Variants in SYN3 observed in about 807,000 individuals in gnomAD.
The protein encoded by SYN3 is synapsin-3.
Under a neutral mutation model 65.8 loss-of-function variants are expected in SYN3, and 35 were observed. The ratio of observed to expected loss-of-function variants is 0.53; its 90% CI spans 0.41 to 0.70. The LOEUF (loss-of-function observed/expected upper bound fraction) is 0.70, where lower values mean the gene tolerates loss of function less well. SYN3 is among the 30% of genes least tolerant of loss of function. SYN3 has a pLI of 0.00. For synonymous variants in SYN3, 270 were observed against 292.9 expected (o/e 0.92, Z 0.80); for missense variants, 680 against 749.0 (o/e 0.91, Z 1.08).
rs2057680905 is a variant in SYN3, at chr22:32,510,687, C to G, written c.*3005G>C. Among the ~76,000 whole-genome samples the G allele has an allele frequency of 6.6e-6, 1 of 152,158 alleles. No individual in the cohort carries two copies. The highest frequency in any genetic ancestry group is 6.5e-5 in the Admixed American group (1 of 15,280). On this transcript the variant is annotated 3_prime_UTR_variant, in exon 14 of 14. Transcript: ENST00000358763. ...ACCAAACTTCAACTCCTATAGCTCT[C>G]TGTGCTTGAATCTTGTAACAGGCTG... is the stretch of plus-strand genomic sequence containing the variant.
At chr22:32,914,469 G>A (rs374033495) in intron 4 of SYN3, among the ~76,000 whole-genome samples, 2 of 144,428 alleles carry the variant, frequency 1.4e-5, no homozygotes, top group East Asian at 2.1e-4. Context: ...ACGGAGTCTC[G>A]CTCTGTTGCC....
intron 1 of SYN3, among the ~76,000 whole-genome samples, chr22:33,030,190 C>T (rs2053724029): frequency 6.6e-6 from 1 of 152,198 alleles, no homozygotes; most frequent in African/African-American, 2.4e-5. Flanking sequence ...ATGAGAGATG[C>T]CTGCGCTGCC....
intron 6 of SYN3, among the ~76,000 whole-genome samples, chr22:32,648,018 C>T (rs1278352835): frequency 1.3e-5 from 2 of 152,148 alleles, no homozygotes; most frequent in Non-Finnish European, 2.9e-5. Flanking sequence ...AGACTACAGA[C>T]ACACTTTTAG....
chr22:32,926,896 C>A (rs1368623359), intron 4 of SYN3, among the ~76,000 whole-genome samples: 1 of 152,110 alleles, frequency 6.6e-6, no homozygotes, highest in Non-Finnish European at 1.5e-5. Context: ...CAGGAGAAAC[C>A]AAGCATTCAC....
At chr22:32,783,553 T>C (rs2046123290) in intron 6 of SYN3, among the ~76,000 whole-genome samples, 1 of 152,154 alleles carries the variant, frequency 6.6e-6, no homozygotes, top group Non-Finnish European at 1.5e-5. Context: ...TTTTTAATCT[T>C]CGGATTTAAG....
At chr22:33,052,178 G>A (rs1290587172) in intron 1 of SYN3, among the ~76,000 whole-genome samples, 1 of 152,110 alleles carries the variant, frequency 6.6e-6, no homozygotes, top group Non-Finnish European at 1.5e-5. Context: ...GCACCCCACG[G>A]CTCCTTCCCA....
At chr22:32,699,488 T>C (rs920336347) in intron 6 of SYN3, among the ~76,000 whole-genome samples, 2 of 150,684 alleles carry the variant, frequency 1.3e-5, no homozygotes, top group African/African-American at 4.9e-5. Flanking sequence ...AGGGAGAGAG[T>C]GGTGGAGAAA....
intron 7 of SYN3, among the ~76,000 whole-genome samples, chr22:32,581,351 G>A (rs553126870): frequency 1.8e-4 from 27 of 152,254 alleles, no homozygotes; most frequent in Admixed American, 1.2e-3. Flanking sequence ...TCAGGTGATC[G>A]GCCCGCCTTG....
intron 4 of SYN3, among the ~76,000 whole-genome samples, chr22:32,879,999 G>T (rs554744725): frequency 6.6e-6 from 1 of 152,272 alleles, no homozygotes; most frequent in Non-Finnish European, 1.5e-5. Flanking sequence ...AAGGAGAGTT[G>T]GGCTATGTGA....
At chr22:32,726,895 C>G (rs1056035778) in intron 6 of SYN3, among the ~76,000 whole-genome samples, 1 of 152,050 alleles carries the variant, frequency 6.6e-6, no homozygotes, top group African/African-American at 2.4e-5. Context: ...AGATCTTCTA[C>G]AGATAGAAGA....
At chr22:32,641,606 T>G (rs1325107539) in intron 6 of SYN3, among the ~76,000 whole-genome samples, 1 of 34,036 alleles carries the variant, frequency 2.9e-5, no homozygotes, top group Non-Finnish European at 5.0e-5. Flanking sequence ...AGACTCCATC[T>G]CAAAAAAAAA....
chr22:32,518,871 T>C (rs1340223498), intron 12 of SYN3, among the ~76,000 whole-genome samples: 1 of 152,140 alleles, frequency 6.6e-6, no homozygotes, highest in Non-Finnish European at 1.5e-5. Context: ...TGCAATTCTA[T>C]TTGGAGATAG....
chr22:33,051,017 T>C (rs551284898), intron 1 of SYN3, among the ~76,000 whole-genome samples: 8 of 152,348 alleles, frequency 5.3e-5, no homozygotes, highest in African/African-American at 1.7e-4. Flanking sequence ...CAAAGGCTTA[T>C]AGTAATCTGA....
At chr22:32,563,101 T>C (rs1484063636) in intron 7 of SYN3, among the ~76,000 whole-genome samples, 1 of 152,252 alleles carries the variant, frequency 6.6e-6, no homozygotes, top group Non-Finnish European at 1.5e-5. Flanking sequence ...ACTCACCGAT[T>C]GCCATAACCT....
chr22:32,509,248 CAA>C lies in SYN3; in HGVS notation c.*4442_*4443del, dbSNP rs1047620352. Reference sequence around the variant, plus strand: ...TTTTTAAATCCCTGTTCATTGTGAACAAATCAAATAGGTCTTTGTTGTGTTTC... The same window carrying C: ...TTTTTAAATCCCTGTTCATTGTGAACATCAAATAGGTCTTTGTTGTGTTTC... On this transcript the variant is annotated 3_prime_UTR_variant, in exon 14 of 14. Coordinates refer to ENST00000358763, the MANE Select transcript of SYN3 (RefSeq NM_003490.4). Among the ~76,000 whole-genome samples, 9 of 152,134 alleles carry C rather than the reference CAA, an allele frequency of 5.9e-5. No homozygotes were observed. The highest frequency in any genetic ancestry group is 2.2e-4 in the African/African-American group (9 of 41,420).
At chr22:32,647,618 T>C (rs1569122105) in intron 6 of SYN3, among the ~76,000 whole-genome samples, 1 of 152,020 alleles carries the variant, frequency 6.6e-6, no homozygotes, top group Admixed American at 6.6e-5. Flanking sequence ...AGCTATTTAT[T>C]TATTTATTGA....
intron 6 of SYN3, among the ~76,000 whole-genome samples, chr22:32,606,206 A>G (rs1213297198): frequency 1.3e-5 from 2 of 152,082 alleles, no homozygotes; most frequent in African/African-American, 4.8e-5. Context: ...TGGAAGCAGG[A>G]AGGGAAGGGA....
chr22:32,882,725 T>C (rs1448052597), intron 4 of SYN3, among the ~76,000 whole-genome samples: 1 of 152,220 alleles, frequency 6.6e-6, no homozygotes, highest in Non-Finnish European at 1.5e-5. Context: ...AATTTTTTTT[T>C]TTTTTAGGAT....
chr22:32,962,846 ATCTATCTG>A (rs1308407247), intron 3 of SYN3, among the ~76,000 whole-genome samples: 4 of 121,902 alleles, frequency 3.3e-5, no homozygotes, highest in South Asian at 2.6e-4. Flanking sequence ...CTATCTATCT[ATCTATCTG>A]TCTGTCTTAC....
Sources: gnomAD v4.1 joint callset for allele counts (sites outside exome capture counted in the v4.1 genomes callset) on GRCh38, gnomAD v4.1.1 for gene constraint, MANE v1.5 for transcripts, NCBI Gene and HGNC (gene_info 2026-07-23, HGNC 2026-07-21) for gene names.